Variants in MDC1 observed in about 807,000 individuals in gnomAD.
MDC1 encodes the protein mediator of DNA damage checkpoint 1.
A neutral mutation model predicts 142.5 loss-of-function variants in MDC1; 81 were observed. The observed-to-expected ratio is 0.57, with a 90% CI of 0.47 to 0.68. The LOEUF (loss-of-function observed/expected upper bound fraction) is 0.68, where lower values mean the gene tolerates loss of function less well. Among genes scored for constraint, MDC1 ranks in the 30% least tolerant of loss-of-function variants. The probability of loss-of-function intolerance (pLI) is 0.00; values close to 1 mark genes in which losing one functional copy is unlikely to be tolerated. For synonymous variants in MDC1, 797 were observed against 968.4 expected, an observed-to-expected ratio of 0.82 and a Z score of 3.29; for missense variants, 2,119 against 2,547.9, an observed-to-expected ratio of 0.83 and a Z score of 3.62.
rs773077156 is a variant in MDC1, at chr6:30,712,697, A to C, written c.1245T>G (p.Thr415=). Residue 415 remains threonine, a synonymous_variant, in exon 5 of 15, where the codon ACT becomes ACG. Coordinates refer to ENST00000376406, the MANE Select transcript of MDC1 (RefSeq NM_014641.3). The surrounding 1 kb of genome is among the most constrained non-coding windows in gnomAD (Gnocchi z 4.7). ...GCTGGCTCTCTTTCAGATGTGCCAAAGTCAGCGCTGCTGAGACTTCTTCCT... is the reference window on the plus strand; with the variant it reads ...GCTGGCTCTCTTTCAGATGTGCCAACGTCAGCGCTGCTGAGACTTCTTCCT... ...DDEEEVSAAL[T]LAHLKESQPA... The C allele has an allele frequency of 6.2e-7, 1 of 1,613,048 alleles. No homozygotes were observed. Among genetic ancestry groups the C allele is most frequent in the Non-Finnish European group, 8.5e-7 (1 of 1,180,030 alleles).
chr6:30,708,095 T>C lies in MDC1; in HGVS notation c.2484A>G (p.Arg828=). Reference sequence around the variant, plus strand: ...TCTCAGTTTCTCTCTCCAATGGCCCTCTCTCAGGGCCCACCCTCTCTGCTG... The same window carrying C: ...TCTCAGTTTCTCTCTCCAATGGCCCCCTCTCAGGGCCCACCCTCTCTGCTG... ...KETAERVGPE[R]GPLERETEKL... is the part of the protein sequence containing the mutation. The change falls in exon 8 of 15, where the codon AGA becomes AGG. Residue 828 remains arginine (R), a synonymous_variant. Transcript: ENST00000376406. 1 of 1,613,094 alleles carries C rather than the reference T, an allele frequency of 6.2e-7. No individual in the cohort carries two copies. The highest frequency in any genetic ancestry group is 2.2e-5 in the East Asian group (1 of 44,876).
rs1164316326 is a variant in MDC1 at position 30,712,718 on chromosome 6, T to C, written c.1224A>G (p.Glu408=). The change falls in exon 5 of 15, where the codon GAA becomes GAG. Residue 408 remains glutamate, a synonymous_variant. Transcript: ENST00000376406. The surrounding 1 kb of genome is among the most constrained non-coding windows in gnomAD (Gnocchi z 4.7). ...MVINSDTDDE[E]EVSAALTLAH... ...CCAAAGTCAGCGCTGCTGAGACTTC[T>C]TCCTCGTCATCTGTATCGCTGTTGA... The C allele has an allele frequency of 6.8e-6, 11 of 1,612,974 alleles. No individual in the cohort carries two copies. The highest frequency in any genetic ancestry group is 9.3e-6 in the Non-Finnish European group (11 of 1,180,048).
intron 2 of MDC1, 116 bp from the exon 3 acceptor site, chr6:30,714,299 T>C (rs1581626797): frequency 8.9e-7 from 1 of 1,128,716 alleles, no homozygotes; most frequent in East Asian, 2.6e-5. Flanking sequence ...ATTAGAAAAA[T>C]AAAAGGCCCT....
In MDC1 at chr6:30,713,305, C is replaced by G. The variant is rs766077997; in HGVS notation, c.637G>C (p.Ala213Pro). ...PVLGGLGPPF[A>P]FNLNSDTDVE... The stretch of plus-strand genomic sequence containing the variant: ...TCTGTGTCACTGTTCAAATTGAAGG[C>G]AAAAGGCGGCCCAAGGCCGCCCAGG... The change falls in exon 5 of 15, where the codon GCC becomes CCC. Residue 213 changes from alanine to proline, a missense_variant. Physicochemically the swap from Ala to Pro is conservative, Grantham distance 27. Coordinates refer to ENST00000376406, the MANE Select transcript of MDC1 (RefSeq NM_014641.3). This position sits in a 1 kb window ranked among gnomAD's most constrained non-coding sequence, Gnocchi z 4.9. 4.4e-6 allele frequency: 7 copies of G among 1,590,698 alleles called. No homozygotes were observed. The East Asian group carries it at 1.6e-4, about 37-fold the overall frequency.
Position 30,702,831 on chromosome 6 carries a change from G to C in MDC1, c.5912C>G (p.Thr1971Ser), listed in dbSNP as rs1250244077. 1.2e-6 allele frequency: 2 copies of C among 1,613,112 alleles called. No individual in the cohort carries two copies. Among genetic ancestry groups the C allele is most frequent in the Non-Finnish European group, 1.7e-6 (2 of 1,180,038 alleles). ...AAAGTTCTTCTCTTGCTCAGGGTCGGTCACCACATATTCATCCGGGGGTAA... is the reference window on the plus strand; with the variant it reads ...AAAGTTCTTCTCTTGCTCAGGGTCGCTCACCACATATTCATCCGGGGGTAA... ...FFLPPDEYVVTDPEQEKNFGF... is the reference protein window; with the variant it reads ...FFLPPDEYVVSDPEQEKNFGF... The change falls in exon 13 of 15, where the codon ACC becomes AGC. Residue 1971 changes from threonine to serine, a missense_variant. Coordinates refer to ENST00000376406, the MANE Select transcript of MDC1 (RefSeq NM_014641.3).
rs759195051 is a variant in MDC1 at position 30,714,186 on chromosome 6, A to G, written c.137-3T>C. 6.2e-7 allele frequency: 1 copy of G among 1,603,678 alleles called. No homozygotes were observed. Among genetic ancestry groups the G allele is most frequent in the Non-Finnish European group, 8.5e-7 (1 of 1,178,426 alleles). ...CTTCCCGAGGTGTAGTGGGAAATCTAAGAATTAGAGAGGTAGATAAGCTCC... is the reference window on the plus strand; with the variant it reads ...CTTCCCGAGGTGTAGTGGGAAATCTGAGAATTAGAGAGGTAGATAAGCTCC... On this transcript the variant is annotated splice_polypyrimidine_tract_variant and splice_region_variant and intron_variant, in intron 2 of 14. Coordinates refer to ENST00000376406, the MANE Select transcript of MDC1 (RefSeq NM_014641.3).
At chr6:30,711,350 G>T in intron 7 of MDC1, 62 bp downstream of exon 7, 1 of 1,443,172 alleles carries the variant, frequency 6.9e-7, no homozygotes, top group Non-Finnish European at 9.7e-7. Context: ...CAGCCTGAGT[G>T]ACAGAGGAAA....
rs748949488 is a variant in MDC1 at position 30,712,194 on chromosome 6, TC to T, written c.1747del (p.Glu583ArgfsTer5). The T allele has an allele frequency of 6.2e-7, 1 of 1,612,882 alleles. No individual in the cohort carries two copies. The highest frequency in any genetic ancestry group is 8.5e-7 in the Non-Finnish European group (1 of 1,179,996). The stretch of plus-strand genomic sequence containing the variant: ...TACTGAGGCTGTTAGGGAGGTGCCC[TC>T]CTCTGCATCTGTTTCACAGTCCCCA... ...LHGDCETDAEEGTSLTASVVA... is the reference protein window; with the variant it reads ...LHGDCETDAEXGTSLTASVVA... On this transcript the variant is annotated frameshift_variant, in exon 5 of 15. Coordinates refer to ENST00000376406, the MANE Select transcript of MDC1 (RefSeq NM_014641.3). LOFTEE classifies it high-confidence loss of function. This position sits in a 1 kb window ranked among gnomAD's most constrained non-coding sequence, Gnocchi z 4.7.
Position 30,711,457 on chromosome 6 carries a change from G to C in MDC1, c.2176C>G (p.Pro726Ala). The change falls in exon 7 of 15, where the codon CCA becomes GCA. Residue 726 changes from proline to alanine, a missense_variant. Coordinates refer to ENST00000376406, the MANE Select transcript of MDC1 (RefSeq NM_014641.3). ...DEPTQAFMLT[P>A]PQELGPSHCS... The stretch of plus-strand genomic sequence containing the variant: ...TGGGAAGGGCCAAGCTCTTGGGGTG[G>C]AGTCAACATGAAGGCCTGGGTAGGT... 6.2e-7 allele frequency: 1 copy of C among 1,613,148 alleles called. No homozygotes were observed. The highest frequency in any genetic ancestry group is 1.7e-5 in the Admixed American group (1 of 60,024).
rs538001943 is a variant in MDC1, at chr6:30,717,134, G to A, written c.-4+111C>T. 2.0e-5 allele frequency: 3 copies of A among 152,940 alleles called. No homozygotes were observed. In the East Asian group the frequency reaches 5.8e-4, roughly 30 times the overall value. The allele number at this position is 152,940 out of a possible 1,614,324, so 9.5% of individuals were successfully genotyped here. A position where few individuals can be genotyped will look rare whatever the true frequency, so the allele number is the denominator to read the frequency against. On this transcript the variant is annotated intron_variant, in intron 1 of 14. Transcript: ENST00000376406. ...AAGGATGAGTATTACAGTCCGAGAA[G>A]CGAACTTCCAAGTCACCTCCGCCCA...
rs1017021451 is a variant in MDC1 at position 30,716,714 on chromosome 6, T to C, written c.-4+531A>G. Among the ~76,000 whole-genome samples, 2 of 152,206 alleles carry C rather than the reference T, an allele frequency of 1.3e-5. No homozygotes were observed. The highest frequency in any genetic ancestry group is 4.8e-5 in the African/African-American group (2 of 41,456). On this transcript the variant is annotated intron_variant, in intron 1 of 14. Transcript: ENST00000376406. This position sits in a 1 kb window ranked among gnomAD's most constrained non-coding sequence, Gnocchi z 4.4. ...GATTAGGGGAACCGTGTCTTTCCCC[T>C]AGGGTCCATCATATTCATTCAATGG...
Position 30,699,987 on chromosome 6 carries a change from C to T in MDC1, c.*478G>A, listed in dbSNP as rs760179643. 7 of 227,984 alleles carry T rather than the reference C, an allele frequency of 3.1e-5. No homozygotes were observed. Among genetic ancestry groups the T allele is most frequent in the South Asian group, 1.8e-4 (1 of 5,496 alleles). The allele number at this position is 227,984 out of a possible 1,614,324, so 14.1% of individuals were successfully genotyped here. ...GCACTCCATAACTGGACCCTCAAAT[C>T]TACTCACTCCAAGCATCCCTTCAAG... On this transcript the variant is annotated 3_prime_UTR_variant, in exon 15 of 15. Transcript: ENST00000376406.
At position 30,703,575 on chromosome 6, in the gene MDC1, C is replaced by G; in HGVS notation, c.5563-38G>C. On this transcript the variant is annotated intron_variant, in intron 10 of 14. Coordinates refer to ENST00000376406, the MANE Select transcript of MDC1 (RefSeq NM_014641.3). This position sits in a 1 kb window ranked among gnomAD's most constrained non-coding sequence, Gnocchi z 4.4. ...AAAATCTTGGTGGGAGTTTCAGAGCCCTGAAGTCATTTTTCCCAGCTTTGT... is the reference window on the plus strand; with the variant it reads ...AAAATCTTGGTGGGAGTTTCAGAGCGCTGAAGTCATTTTTCCCAGCTTTGT... 6.2e-7 allele frequency: 1 copy of G among 1,612,552 alleles called. No homozygotes were observed. Among genetic ancestry groups the G allele is most frequent in the Non-Finnish European group, 8.5e-7 (1 of 1,179,764 alleles).
Position 30,716,766 on chromosome 6 carries a change from G to T in MDC1, c.-4+479C>A. The T allele has an allele frequency of 4.1e-6, 1 of 245,164 alleles. No individual in the cohort carries two copies. The highest frequency in any genetic ancestry group is 6.5e-6 in the Non-Finnish European group (1 of 153,100). The allele number at this position is 245,164 out of a possible 1,614,324, so 15.2% of individuals were successfully genotyped here. ...TATGGTATACCTGTTTGAAGTATTT[G>T]GTATACATCTGTGAACCAAACATGA... On this transcript the variant is annotated intron_variant, in intron 1 of 14. Transcript: ENST00000376406. This position sits in a 1 kb window ranked among gnomAD's most constrained non-coding sequence, Gnocchi z 4.4.
In MDC1 at chr6:30,704,637, T is replaced by C. The variant is rs1773398228; in HGVS notation, c.4546A>G (p.Arg1516Gly). 1 of 1,609,786 alleles carries C rather than the reference T, an allele frequency of 6.2e-7. No individual in the cohort carries two copies. Among genetic ancestry groups the C allele is most frequent in the Non-Finnish European group, 8.5e-7 (1 of 1,178,272 alleles). ...ACAGAGGACCGATTTTTTCTTCCCC[T>C]AGTGGTCCGAGATGTGGGCTCAGAG... ...VTSEPTSRTT[R>G]GRKNRSSVKT... The change falls in exon 10 of 15, where the codon AGG becomes GGG. Residue 1516 changes from arginine (R) to glycine (G), a missense_variant. Arg to Gly is a moderately radical substitution (Grantham distance 125). Coordinates refer to ENST00000376406, the MANE Select transcript of MDC1 (RefSeq NM_014641.3).
In MDC1 at chr6:30,704,103, C is replaced by A; in HGVS notation, c.5080G>T (p.Val1694Phe). ...LRSSTVRAMPVPTTPEFQSPV... is the reference protein window; with the variant it reads ...LRSSTVRAMPFPTTPEFQSPV... ...GATTGGAATTCAGGGGTGGTAGGAA[C>A]CGGCATAGCTCTTACTGTGGAAGAC... The change falls in exon 10 of 15, where the codon GTT (valine) becomes TTT (phenylalanine). Residue 1694 changes from valine (V) to phenylalanine (F), a missense_variant. Physicochemically the swap from Val to Phe is conservative, Grantham distance 50 (BLOSUM62 -1). Transcript: ENST00000376406. 6.2e-7 allele frequency: 1 copy of A among 1,614,044 alleles called. No individual in the cohort carries two copies. Among genetic ancestry groups the A allele is most frequent in the East Asian group, 2.2e-5 (1 of 44,866 alleles).
Position 30,707,940 on chromosome 6 carries a change from CT to C in MDC1, c.2638del (p.Ser880ValfsTer11). 1 of 1,613,086 alleles carries C rather than the reference CT, an allele frequency of 6.2e-7. No individual in the cohort carries two copies. The highest frequency in any genetic ancestry group is 8.5e-7 in the Non-Finnish European group (1 of 1,180,028). ...CTCCCTATCTCTTTCAGGACTTGCA[CT>C]TTCCCCATTTTTGTCAGATTCTTGT... Reference protein sequence around the residue: ...QRQESDKNGESASPERDRESL... With the variant: ...QRQESDKNGEXASPERDRESL... On this transcript the variant is annotated frameshift_variant, in exon 8 of 15. Coordinates refer to ENST00000376406, the MANE Select transcript of MDC1 (RefSeq NM_014641.3). LOFTEE classifies it high-confidence loss of function.
In MDC1 at chr6:30,716,810, G is replaced by T. The variant is rs1260517051; in HGVS notation, c.-4+435C>A. On this transcript the variant is annotated intron_variant, in intron 1 of 14. Transcript: ENST00000376406. The surrounding 1 kb of genome is among the most constrained non-coding windows in gnomAD (Gnocchi z 4.4). ...AACATGAAATCGACCCTGCCCTCGG[G>T]AAGGCTCATCACCGAGCCTACTGAT... 4 of 681,434 alleles carry T rather than the reference G, an allele frequency of 5.9e-6. No individual in the cohort carries two copies. In the East Asian group the frequency reaches 4.0e-4, roughly 68 times the overall value. 42.2% of individuals were successfully genotyped at this position (681,434 alleles called of 1,614,324 possible).
rs1251650511 is a variant in MDC1, at chr6:30,706,006, T to C, written c.3177A>G (p.Lys1059=). ...AAAGAAGGGGCGGAGGTGCAAGATG[T>C]TTCTGGCTCTGAGAGTTAAGGGGCT... ...PQKPLNSQSQ[K]HLAPPPLLSP... Residue 1059 remains lysine (K), a synonymous_variant, in exon 10 of 15, where the codon AAA becomes AAG. Transcript: ENST00000376406. 2 of 1,610,376 alleles carry C rather than the reference T, an allele frequency of 1.2e-6. No individual in the cohort carries two copies. Among genetic ancestry groups the C allele is most frequent in the East Asian group, 2.2e-5 (1 of 44,880 alleles).
Sources: allele counts gnomAD v4.1 joint callset (sites outside exome capture counted in the v4.1 genomes callset), GRCh38; gene constraint gnomAD v4.1.1; non-coding constraint Gnocchi (gnomAD v3.1); transcripts MANE v1.5; gene names NCBI Gene and HGNC (gene_info 2026-07-23, HGNC 2026-07-21).